The following CHD5 variants were observed in gnomAD, a reference collection of about 807,000 sequenced individuals.
CHD5 encodes ATP-dependent chromatin remodeler CHD5.
Under a neutral mutation model 230.3 loss-of-function variants are expected in CHD5, and 69 were observed. The observed-to-expected ratio is 0.30, with a 90% CI of 0.25 to 0.37. The LOEUF is 0.37. CHD5 is among the 10% of genes least tolerant of loss of function. CHD5 has a pLI of 1.00. For synonymous variants in CHD5, 1,064 were observed against 1,065.9 expected (o/e 1.00, Z 0.03); for missense variants, 1,827 against 2,622.8 (o/e 0.70, Z 6.63).
chr1:6,119,527 T>C (rs1247211724), intron 33 of CHD5, among the ~76,000 whole-genome samples: 1 of 152,166 alleles, frequency 6.6e-6, no homozygotes, highest in Non-Finnish European at 1.5e-5. Context: ...CAGTCTCAAA[T>C]GATATGAAGC....
At chr1:6,136,384 G>A (rs1376005117) in intron 17 of CHD5, 133 bp downstream of exon 17, 2 of 1,034,970 alleles carry the variant, frequency 1.9e-6, no homozygotes, top group African/African-American at 3.2e-5. Flanking sequence ...CGGGGACATT[G>A]CTAATGCTCC....
chr1:6,157,506 C>A (rs888115625), intron 3 of CHD5, among the ~76,000 whole-genome samples: 3 of 152,222 alleles, frequency 2.0e-5, no homozygotes, highest in African/African-American at 7.2e-5. Flanking sequence ...CCTGATCCCA[C>A]ACATCCCTCT....
Position 6,111,872 on chromosome 1 carries a change from G to T in CHD5, c.5152C>A (p.Leu1718Met). The T allele has an allele frequency of 6.2e-7, 1 of 1,613,218 alleles. No homozygotes were observed. Residue 1718 changes from leucine (L) to methionine (M), a missense_variant, in exon 36 of 42, where the codon CTG (leucine) becomes ATG (methionine). Physicochemically the swap from Leu to Met is conservative, Grantham distance 15. Coordinates refer to ENST00000262450, the MANE Select transcript of CHD5 (RefSeq NM_015557.3). Reference protein sequence around the residue: ...ADGGFTELHTLWQNEERAAVS... With the variant: ...ADGGFTELHTMWQNEERAAVS... ...GCAGCCCGCTCCTCGTTCTGCCACA[G>T]CGTGTGCAACTCTGGGAAACAAGCC...
chr1:6,122,237 C>T (rs373851259), intron 31 of CHD5, among the ~76,000 whole-genome samples: 2 of 152,212 alleles, frequency 1.3e-5, no homozygotes, highest in African/African-American at 4.8e-5. Flanking sequence ...GAGGCCCAAC[C>T]GACGGACCAA....
At chr1:6,127,393 C>A (rs139592382) in intron 25 of CHD5, among the ~76,000 whole-genome samples, 2 of 151,700 alleles carry the variant, frequency 1.3e-5, no homozygotes, top group African/African-American at 2.4e-5. Context: ...AGCTGAGGCA[C>A]GAGAATCACT....
intron 33 of CHD5, among the ~76,000 whole-genome samples, chr1:6,119,864 A>T (rs6699351): frequency 0.26 from 35,041 of 137,236 alleles, 5,210 homozygotes; most frequent in Non-Finnish European, 0.34. Context: ...ATATATATAT[A>T]TTTTTTTTTT....
chr1:6,108,658 G>A (rs1191527098), intron 38 of CHD5, among the ~76,000 whole-genome samples: 1 of 145,746 alleles, frequency 6.9e-6, no homozygotes, highest in African/African-American at 2.6e-5. Context: ...GAGGCATGGA[G>A]GGATAATGGA....
chr1:6,110,600 G>A (rs899322950), intron 36 of CHD5, 74 bp from the exon 37 acceptor site: 38 of 1,487,460 alleles, frequency 2.6e-5, no homozygotes, highest in African/African-American at 2.5e-4. Flanking sequence ...AGCTCAGGGA[G>A]GGGGAGGGGC....
intron 1 of CHD5, among the ~76,000 whole-genome samples, chr1:6,172,185 G>C (rs1248266101): frequency 1.3e-5 from 2 of 152,208 alleles, no homozygotes; most frequent in African/African-American, 4.8e-5. Context: ...CCCTTCTCAG[G>C]GTAGCGCATT....
chr1:6,163,317 G>T (rs574766400), intron 2 of CHD5, among the ~76,000 whole-genome samples: 16 of 152,240 alleles, frequency 1.1e-4, no homozygotes, highest in African/African-American at 3.9e-4. Flanking sequence ...CGATGAGAAG[G>T]GTCTGACGCC....
intron 5 of CHD5, among the ~76,000 whole-genome samples, chr1:6,153,681 A>T (rs370372229): frequency 6.6e-6 from 1 of 152,112 alleles, no homozygotes; most frequent in South Asian, 2.1e-4. Context: ...AATACAAAAA[A>T]TTAGCCAGGT....
At chr1:6,159,315 C>G in intron 3 of CHD5, 21 bp downstream of exon 3, 7 of 1,551,160 alleles carry the variant, frequency 4.5e-6, no homozygotes, top group Non-Finnish European at 6.1e-6. Flanking sequence ...TCTGTCCCCC[C>G]AGCCAGGCCT....
In CHD5 at chr1:6,134,705, C is replaced by T. The variant is rs61739482; in HGVS notation, c.3012+13G>A. On this transcript the variant is annotated intron_variant, in intron 19 of 41. Coordinates refer to ENST00000262450, the MANE Select transcript of CHD5 (RefSeq NM_015557.3). The surrounding 1 kb of genome is among the most constrained non-coding windows in gnomAD (Gnocchi z 6.3). ...GTCATGGAGAAGCTGCCATGATGGCCGGGGAAACCTACCACGGCAGCCACA... is the reference window on the plus strand; with the variant it reads ...GTCATGGAGAAGCTGCCATGATGGCTGGGGAAACCTACCACGGCAGCCACA... 1.7e-3 allele frequency: 2,685 copies of T among 1,613,856 alleles called. 2 individuals carry two copies. The highest frequency in any genetic ancestry group is 2.1e-3 in the Non-Finnish European group (2,484 of 1,179,828).
chr1:6,133,385 G>A (rs1041004184), intron 20 of CHD5, among the ~76,000 whole-genome samples: 4 of 152,270 alleles, frequency 2.6e-5, no homozygotes, highest in Admixed American at 2.6e-4. Flanking sequence ...GCCCAGCAGG[G>A]TGACCTGGGG....
At chr1:6,156,460 C>T (rs1462114679) in intron 3 of CHD5, among the ~76,000 whole-genome samples, 4 of 146,780 alleles carry the variant, frequency 2.7e-5, no homozygotes, top group South Asian at 2.2e-4. Context: ...CACTTGAACT[C>T]GGGAGACGGA....
rs762869067 is a variant in CHD5, at chr1:6,149,100, C to T, written c.1162-25G>A. 4.7e-6 allele frequency: 7 copies of T among 1,482,572 alleles called. No homozygotes were observed. In the East Asian group the frequency reaches 1.5e-4, roughly 32 times the overall value. The allele number at this position is 1,482,572 out of a possible 1,614,324, so 91.8% of individuals were successfully genotyped here. A position where few individuals can be genotyped will look rare whatever the true frequency, so the allele number is the denominator to read the frequency against. Reference sequence around the variant, plus strand: ...CCTGGGGGAGGAGGCCAGGTGGAGGCACCCTGGGCGGGGTCCCCGCTCCAC... The same window carrying T: ...CCTGGGGGAGGAGGCCAGGTGGAGGTACCCTGGGCGGGGTCCCCGCTCCAC... On this transcript the variant is annotated intron_variant, in intron 8 of 41. Transcript: ENST00000262450.
At chr1:6,114,368 C>T (rs534635024) in intron 33 of CHD5, among the ~76,000 whole-genome samples, 1 of 152,222 alleles carries the variant, frequency 6.6e-6, no homozygotes, top group African/African-American at 2.4e-5. Context: ...GCTAACAGGA[C>T]AATGTCAGAG....
chr1:6,159,343 C>T lies in CHD5; in HGVS notation c.380G>A (p.Cys127Tyr). ...DEDEDDNDDG[C>Y]LKEPKSSGQL... is the part of the protein sequence containing the mutation. ...CCAGGCCTCCACAGTTACCTTTAAGCATCCATCATCATTATCATCCTCATC... is the reference window on the plus strand; with the variant it reads ...CCAGGCCTCCACAGTTACCTTTAAGTATCCATCATCATTATCATCCTCATC... The change falls in exon 3 of 42, where the codon TGC (cysteine) becomes TAC (tyrosine). Residue 127 changes from cysteine (C) to tyrosine (Y), a missense_variant. Physicochemically the swap from Cys to Tyr is radical, Grantham distance 194. Transcript: ENST00000262450. The T allele has an allele frequency of 6.4e-7, 1 of 1,551,574 alleles. No individual in the cohort carries two copies. The highest frequency in any genetic ancestry group is 8.7e-7 in the Non-Finnish European group (1 of 1,146,910).
Position 6,103,840 on chromosome 1 carries a change from T to C in CHD5, c.*1634A>G, listed in dbSNP as rs1340320624. The C allele has an allele frequency of 2.0e-5, 3 of 152,176 alleles. No individual in the cohort carries two copies. Among genetic ancestry groups the C allele is most frequent in the East Asian group, 1.9e-4 (1 of 5,186 alleles). 9.4% of individuals were successfully genotyped at this position (152,176 alleles called of 1,614,324 possible). A position where few individuals can be genotyped will look rare whatever the true frequency, so the allele number is the denominator to read the frequency against. ...ACAGCCTCATTATGAGTGAGGCATA[T>C]AGGGCTTAGGGAGGGCCAGGCAATC... On this transcript the variant is annotated 3_prime_UTR_variant, in exon 42 of 42. Transcript: ENST00000262450.
Sources: gnomAD v4.1 joint callset for allele counts (sites outside exome capture counted in the v4.1 genomes callset) on GRCh38, gnomAD v4.1.1 for gene constraint, Gnocchi (gnomAD v3.1) non-coding constraint, MANE v1.5 for transcripts, NCBI Gene and HGNC (gene_info 2026-07-23, HGNC 2026-07-21) for gene names.